Variants in ZFHX3 observed in about 807,000 individuals in gnomAD.
ZFHX3 encodes zinc finger homeobox protein 3.
Under a neutral mutation model 279.1 loss-of-function variants are expected in ZFHX3, and 42 were observed. That is an observed-to-expected ratio of 0.15 (90% confidence interval 0.12 to 0.19). The LOEUF is 0.19. Ranked by LOEUF, ZFHX3 falls within the 10% of genes least tolerant of loss-of-function variation. The pLI is 1.00. For missense variants in ZFHX3, 4,981 were observed against 4,754.0 expected, an observed-to-expected ratio of 1.05 and a Z score of -1.40; for synonymous variants, 2,293 against 1,957.8, an observed-to-expected ratio of 1.17 and a Z score of -4.52.
chr16:73,394,062 T>G lies in ZFHX3; in HGVS notation c.-1291+61941A>C, dbSNP rs1204495296. ...TAAGTAACTTTGATAACAGTAAAAC[T>G]AAATAAAATTCCTATCGAAATGGAT... On this transcript the variant is annotated intron_variant, in intron 3 of 17. Transcript: ENST00000641206. 2.7e-5 allele frequency among the ~76,000 whole-genome samples: 4 copies of G among 150,098 alleles called. No homozygotes were observed. The South Asian group carries it at 6.3e-4, about 24-fold the overall frequency.
intron 1 of ZFHX3, among the ~76,000 whole-genome samples, chr16:73,044,686 A>G (rs1400860509): frequency 6.6e-6 from 1 of 152,108 alleles, no homozygotes; most frequent in Non-Finnish European, 1.5e-5. Context: ...CAATGGCCCA[A>G]TCTCAGCTCA....
intron 2 of ZFHX3, among the ~76,000 whole-genome samples, chr16:73,578,165 G>A (rs910606875): frequency 3.3e-5 from 5 of 152,158 alleles, no homozygotes; most frequent in Admixed American, 2.6e-4. Context: ...TCTACCTGGG[G>A]TTACTTGATG....
At chr16:73,649,224 AAATAAGTCACATTATACTCATTTTT>A (rs1383673175) in intron 2 of ZFHX3, among the ~76,000 whole-genome samples, 2 of 152,170 alleles carry the variant, frequency 1.3e-5, no homozygotes, top group Non-Finnish European at 2.9e-5. Context: ...ATAGTGAGGA[AAATAAGTCACATTATACTCATTTTT>A]CCCAAAGTAA....
At chr16:73,190,633 C>T (rs368905172) in intron 5 of ZFHX3, among the ~76,000 whole-genome samples, 2 of 152,234 alleles carry the variant, frequency 1.3e-5, no homozygotes, top group East Asian at 3.8e-4. Flanking sequence ...ACCCAGGCAT[C>T]TGTTCACTTT....
chr16:73,645,446 C>T (rs1488224733), intron 2 of ZFHX3, among the ~76,000 whole-genome samples: 7 of 152,030 alleles, frequency 4.6e-5, no homozygotes, highest in South Asian at 2.1e-4. Flanking sequence ...TTAGTAGAGA[C>T]GGGGTTTCAC....
Position 72,882,018 on chromosome 16 carries a change from T to C in ZFHX3, c.3448+7713A>G, listed in dbSNP as rs1315753874. Among the ~76,000 whole-genome samples, 8 of 152,250 alleles carry C rather than the reference T, an allele frequency of 5.3e-5. No individual in the cohort carries two copies. The South Asian group carries it at 1.7e-3, about 32-fold the overall frequency. On this transcript the variant is annotated intron_variant, in intron 4 of 9. Transcript: ENST00000268489. ...CCTGTGGCTCCCTTGGGGGTCCCCA[T>C]GTCACTGGGCTCTGATGAGCCAACG...
intron 1 of ZFHX3, among the ~76,000 whole-genome samples, chr16:73,000,306 T>C (rs544070798): frequency 6.6e-6 from 1 of 152,260 alleles, no homozygotes; most frequent in South Asian, 2.1e-4. Context: ...GGCGAGCTGA[T>C]GGGTGTGAGT....
intron 5 of ZFHX3, among the ~76,000 whole-genome samples, chr16:73,145,438 A>G (rs1245632952): frequency 6.6e-6 from 1 of 152,212 alleles, no homozygotes; most frequent in Non-Finnish European, 1.5e-5. Flanking sequence ...CCTCCTGCGG[A>G]GGACCTTACC....
intron 3 of ZFHX3, among the ~76,000 whole-genome samples, chr16:72,948,660 G>C (rs1237078848): frequency 2.0e-5 from 3 of 152,172 alleles, no homozygotes; most frequent in African/African-American, 7.2e-5. Flanking sequence ...GCATTTTAGA[G>C]TCTAAAGGGC....
intron 3 of ZFHX3, among the ~76,000 whole-genome samples, chr16:72,921,692 C>G (rs1708690746): frequency 6.6e-6 from 1 of 152,174 alleles, no homozygotes; most frequent in Admixed American, 6.5e-5. Flanking sequence ...ATCGAGGAGT[C>G]TGGAGAGAAA....
intron 4 of ZFHX3, among the ~76,000 whole-genome samples, chr16:73,276,763 G>A (rs1371489206): frequency 6.6e-6 from 1 of 152,002 alleles, no homozygotes; most frequent in East Asian, 1.9e-4. Flanking sequence ...TTCTCACAAG[G>A]GAACCACTTA....
intron 2 of ZFHX3, among the ~76,000 whole-genome samples, chr16:73,634,435 TATATATATATA>T (rs2052509124): frequency 1.5e-5 from 2 of 130,642 alleles, no homozygotes; most frequent in African/African-American, 3.3e-5. Flanking sequence ...TTATGTATAA[TATATATATATA>T]TATATATATA....
chr16:73,563,170 T>TTGTGTGTGTGTGTGTGTG (rs200933190), intron 2 of ZFHX3, among the ~76,000 whole-genome samples: 2 of 134,926 alleles, frequency 1.5e-5, no homozygotes, highest in Admixed American at 7.6e-5. Context: ...TTTTGTTTTG[T>TTGTGTGTGTGTGTGTGTG]TGTGTGTGTG....
chr16:73,091,236 A>C (rs200228851), intron 8 of ZFHX3, among the ~76,000 whole-genome samples: 1 of 137,068 alleles, frequency 7.3e-6, no homozygotes, highest in African/African-American at 2.9e-5. Context: ...GAAAGCGGGG[A>C]AAAAAAAAAA....
chr16:73,093,715 G>A (rs192666828), intron 7 of ZFHX3: 1 of 218,052 alleles, frequency 4.6e-6, no homozygotes, highest in Non-Finnish European at 9.9e-6. Context: ...TGCCCTCCTG[G>A]CGGCGTTCCC....
chr16:73,863,130 C>G (rs554020168), intron 1 of ZFHX3, among the ~76,000 whole-genome samples: 3 of 152,156 alleles, frequency 2.0e-5, no homozygotes, highest in African/African-American at 7.2e-5. Flanking sequence ...GGCTTGAACC[C>G]GGGAGGCGGA....
Position 72,829,779 on chromosome 16 carries a change from C to T in ZFHX3, c.3529G>A (p.Ala1177Thr), listed in dbSNP as rs769243295. 2 of 1,614,210 alleles carry T rather than the reference C, an allele frequency of 1.2e-6. No individual in the cohort carries two copies. Among genetic ancestry groups the T allele is most frequent in the Non-Finnish European group, 1.7e-6 (2 of 1,180,044 alleles). Residue 1177 changes from alanine (A) to threonine (T), a missense_variant and splice_region_variant, in exon 5 of 10, where the codon GCA (alanine) becomes ACA (threonine). Transcript: ENST00000268489. The stretch of plus-strand genomic sequence containing the variant: ...GTCCACTTGCCCTGGTCTTTCTCAC[C>T]TCCGCCCTCTTGGTCCTTAGCAAGC... ...EELAKDQEGG[A>T]SSSQAEKELT...
intron 8 of ZFHX3, among the ~76,000 whole-genome samples, chr16:73,071,003 AC>A (rs1567657100): frequency 8.4e-5 from 2 of 23,766 alleles, no homozygotes; most frequent in African/African-American, 1.8e-4. Flanking sequence ...TCCCTCCCCT[AC>A]CCCGCCCCCC....
At chr16:73,139,887 A>T (rs908087726) in intron 6 of ZFHX3, among the ~76,000 whole-genome samples, 4 of 152,214 alleles carry the variant, frequency 2.6e-5, no homozygotes, top group Non-Finnish European at 5.9e-5. Flanking sequence ...GACTTGAGGG[A>T]GACCATGGTA....
Sources: allele counts gnomAD v4.1 joint callset (sites outside exome capture counted in the v4.1 genomes callset), GRCh38; gene constraint gnomAD v4.1.1; transcripts MANE v1.5; gene names NCBI Gene and HGNC (gene_info 2026-07-23, HGNC 2026-07-21).